ZNF804A: variants seen among roughly 807,000 people sequenced by gnomAD.
ZNF804A encodes zinc finger protein 804A.
Under a neutral mutation model 16.5 loss-of-function variants are expected in ZNF804A, and 2 were observed. The ratio of observed to expected loss-of-function variants is 0.12; its 90% CI spans 0.05 to 0.38. ZNF804A has a LOEUF of 0.38. Among genes scored for constraint, ZNF804A ranks in the 10% least tolerant of loss-of-function variants. ZNF804A has a pLI of 0.99. For missense variants in ZNF804A, 1,473 were observed against 1,390.7 expected, an observed-to-expected ratio of 1.06 and a Z score of -0.94; for synonymous variants, 534 against 489.6, an observed-to-expected ratio of 1.09 and a Z score of -1.20.
chr2:184,874,991 A>G (rs1007783668), intron 2 of ZNF804A, among the ~76,000 whole-genome samples: 4 of 152,198 alleles, frequency 2.6e-5, no homozygotes, highest in East Asian at 1.9e-4. Context: ...AAGGATAACT[A>G]TACATCTCAA....
chr2:184,763,755 G>A (rs1035091129), intron 1 of ZNF804A, among the ~76,000 whole-genome samples: 26 of 139,792 alleles, frequency 1.9e-4, no homozygotes, highest in African/African-American at 7.1e-4. Context: ...CCATTCTCCT[G>A]CCTCAGCCTC....
chr2:184,772,400 G>A (rs1041014731), intron 1 of ZNF804A, among the ~76,000 whole-genome samples: 6 of 151,716 alleles, frequency 4.0e-5, no homozygotes, highest in African/African-American at 1.5e-4. Context: ...AACGTCTTTC[G>A]TGACTTGCTT....
intron 1 of ZNF804A, among the ~76,000 whole-genome samples, chr2:184,820,846 AT>A (rs1231023493): frequency 6.6e-6 from 1 of 152,104 alleles, no homozygotes; most frequent in Non-Finnish European, 1.5e-5. Flanking sequence ...ATACCTAGGA[AT>A]ATAGCTAACA....
At chr2:184,661,698 G>A (rs953487919) in intron 1 of ZNF804A, among the ~76,000 whole-genome samples, 2 of 152,132 alleles carry the variant, frequency 1.3e-5, no homozygotes, top group Non-Finnish European at 2.9e-5. Context: ...GGACTCTACC[G>A]GAACCAGCAG....
intron 1 of ZNF804A, among the ~76,000 whole-genome samples, chr2:184,620,018 A>C (rs541613036): frequency 3.3e-4 from 50 of 151,942 alleles, no homozygotes; most frequent in Non-Finnish European, 6.0e-4. Flanking sequence ...TATATTTTGT[A>C]GGTTCTTAAC....
At chr2:184,755,239 T>A (rs1391194060) in intron 1 of ZNF804A, among the ~76,000 whole-genome samples, 1 of 151,964 alleles carries the variant, frequency 6.6e-6, no homozygotes, top group Non-Finnish European at 1.5e-5. Flanking sequence ...GCGTGTTTGA[T>A]GGTGACCTTA....
At chr2:184,679,545 C>T (rs1023044522) in intron 1 of ZNF804A, among the ~76,000 whole-genome samples, 1 of 152,204 alleles carries the variant, frequency 6.6e-6, no homozygotes, top group Non-Finnish European at 1.5e-5. Context: ...CAGGAAACCT[C>T]TGCCTCCACA....
At chr2:184,841,554 T>C (rs1695436538) in intron 1 of ZNF804A, among the ~76,000 whole-genome samples, 1 of 152,112 alleles carries the variant, frequency 6.6e-6, no homozygotes, top group East Asian at 1.9e-4. Context: ...TTAAGCTTGG[T>C]TTAGTTTTAT....
intron 1 of ZNF804A, among the ~76,000 whole-genome samples, chr2:184,674,520 T>C (rs1559123217): frequency 6.6e-6 from 1 of 151,816 alleles, no homozygotes; most frequent in Non-Finnish European, 1.5e-5. Context: ...AACTCTACAT[T>C]ATAAATAATA....
At chr2:184,613,155 C>T (rs922558128) in intron 1 of ZNF804A, among the ~76,000 whole-genome samples, 2 of 152,222 alleles carry the variant, frequency 1.3e-5, no homozygotes, top group Admixed American at 6.5e-5. Flanking sequence ...ATGAGACACT[C>T]TCCTCTTTTC....
At chr2:184,760,618 A>G (rs552864933) in intron 1 of ZNF804A, among the ~76,000 whole-genome samples, 1 of 152,298 alleles carries the variant, frequency 6.6e-6, no homozygotes, top group Admixed American at 6.5e-5. Context: ...AAAGGTAACA[A>G]GAAGCCATAT....
At chr2:184,782,443 T>C (rs1280990015) in intron 1 of ZNF804A, among the ~76,000 whole-genome samples, 1 of 151,062 alleles carries the variant, frequency 6.6e-6, no homozygotes, top group Non-Finnish European at 1.5e-5. Flanking sequence ...AGAAAACAAA[T>C]AAACAAAACA....
intron 1 of ZNF804A, among the ~76,000 whole-genome samples, chr2:184,774,364 A>G (rs1694257877): frequency 6.6e-6 from 1 of 151,940 alleles, no homozygotes; most frequent in Non-Finnish European, 1.5e-5. Context: ...TAAAGAACAT[A>G]TAATGTTACA....
chr2:184,926,183 A>G (rs1317397341), intron 2 of ZNF804A, among the ~76,000 whole-genome samples: 1 of 152,034 alleles, frequency 6.6e-6, no homozygotes, highest in Non-Finnish European at 1.5e-5. Flanking sequence ...CTTGTGGGAC[A>G]ATCTGCTATT....
chr2:184,733,591 T>TTAC (rs1385642779), intron 1 of ZNF804A, among the ~76,000 whole-genome samples: 2 of 152,148 alleles, frequency 1.3e-5, no homozygotes, highest in Non-Finnish European at 2.9e-5. Context: ...TTTTAGAGAA[T>TTAC]TACTATAATT....
At chr2:184,730,468 T>C (rs548413626) in intron 1 of ZNF804A, among the ~76,000 whole-genome samples, 2 of 152,330 alleles carry the variant, frequency 1.3e-5, no homozygotes, top group Admixed American at 6.5e-5. Flanking sequence ...ATGACAGGCA[T>C]CTGCCACTGT....
At chr2:184,796,617 A>G (rs1694632444) in intron 1 of ZNF804A, among the ~76,000 whole-genome samples, 1 of 151,872 alleles carries the variant, frequency 6.6e-6, no homozygotes, top group Non-Finnish European at 1.5e-5. Context: ...TTGTTGTTTC[A>G]ATTTCATTTA....
At chr2:184,831,695 TGAAGAAAAG>T (rs1397275039) in intron 1 of ZNF804A, among the ~76,000 whole-genome samples, 30 of 151,328 alleles carry the variant, frequency 2.0e-4, no homozygotes, top group Non-Finnish European at 3.8e-4. Context: ...CACTCACATC[TGAAGAAAAG>T]GAATATCCTC....
chr2:184,894,795 C>G (rs1197692872), intron 2 of ZNF804A, among the ~76,000 whole-genome samples: 1 of 152,072 alleles, frequency 6.6e-6, no homozygotes, highest in East Asian at 1.9e-4. Flanking sequence ...ACGCCGTTCC[C>G]CTGCCTCAGC....
Sources: gnomAD v4.1 joint callset for allele counts (sites outside exome capture counted in the v4.1 genomes callset) on GRCh38, gnomAD v4.1.1 for gene constraint, MANE v1.5 for transcripts, NCBI Gene and HGNC (gene_info 2026-07-23, HGNC 2026-07-21) for gene names.